NFIB: variants seen among roughly 807,000 people sequenced by gnomAD.
NFIB encodes nuclear factor 1 B-type.
Under a neutral mutation model 61.5 loss-of-function variants are expected in NFIB, and 11 were observed. That is an observed-to-expected ratio of 0.18 (90% CI 0.11 to 0.30). The LOEUF is 0.30. NFIB is among the 10% of genes least tolerant of loss of function. The probability of loss-of-function intolerance (pLI) is 1.00; values close to 1 mark genes in which losing one functional copy is unlikely to be tolerated. For missense variants in NFIB, 471 were observed against 608.9 expected (o/e 0.77, Z 2.38); for synonymous variants, 260 against 216.5 (o/e 1.20, Z -1.76).
In NFIB at chr9:14,131,537, C is replaced by T. The variant is rs1021826100; in HGVS notation, c.926-5771G>A. Among the ~76,000 whole-genome samples, 4 of 152,258 alleles carry T rather than the reference C, an allele frequency of 2.6e-5. No homozygotes were observed. In the South Asian group the frequency reaches 8.3e-4, roughly 32 times the overall value. On this transcript the variant is annotated intron_variant, in intron 6 of 10. Coordinates refer to ENST00000380953, the MANE Select transcript of NFIB (RefSeq NM_001190737.2). ...CGCTGTGAAACACAGCGTATGTACT[C>T]GACTCATCGGCAGCTTGCACAAATT...
chr9:14,472,669 A>G, the NFIB span, among the ~76,000 whole-genome samples: 11 of 151,978 alleles, frequency 7.2e-5, no homozygotes, highest in Non-Finnish European at 1.3e-4. Flanking sequence ...GTGAAACCCC[A>G]TCTCTACTAA....
At chr9:14,273,508 C>CT (rs1491055400) in intron 2 of NFIB, among the ~76,000 whole-genome samples, 2 of 152,044 alleles carry the variant, frequency 1.3e-5, no homozygotes, top group Non-Finnish European at 2.9e-5. Context: ...ATTTCTGTCT[C>CT]TGTTTCCCCA....
chr9:14,154,943 C>A (rs1489569128), intron 4 of NFIB, among the ~76,000 whole-genome samples: 1 of 152,072 alleles, frequency 6.6e-6, no homozygotes, highest in Non-Finnish European at 1.5e-5. Flanking sequence ...TTATTCATGA[C>A]CTCTAAATAT....
intron 2 of NFIB, among the ~76,000 whole-genome samples, chr9:14,195,809 A>G (rs1436621439): frequency 6.6e-6 from 1 of 152,198 alleles, no homozygotes; most frequent in African/African-American, 2.4e-5. Context: ...GAAAAACACA[A>G]TGACATTGCA....
intron 10 of NFIB, among the ~76,000 whole-genome samples, chr9:14,101,997 G>A (rs2035853589): frequency 1.3e-5 from 2 of 151,976 alleles, no homozygotes; most frequent in South Asian, 4.1e-4. Context: ...AAAATGAACA[G>A]TGAAATGGCT....
chr9:14,168,112 G>A (rs1368170415), intron 3 of NFIB, among the ~76,000 whole-genome samples: 1 of 152,122 alleles, frequency 6.6e-6, no homozygotes, highest in Admixed American at 6.5e-5. Context: ...AAGTATCTCC[G>A]CAGAAGTACC....
At chr9:14,204,344 G>C in intron 2 of NFIB, 1 of 799,664 alleles carries the variant, frequency 1.3e-6, no homozygotes, top group Non-Finnish European at 2.1e-6. Flanking sequence ...CCCCCTGTTT[G>C]AGAAAAGGCC....
At chr9:14,145,653 T>C (rs1228853417) in intron 6 of NFIB, among the ~76,000 whole-genome samples, 6 of 145,000 alleles carry the variant, frequency 4.1e-5, no homozygotes, top group African/African-American at 1.5e-4. Flanking sequence ...TTTTAGACTT[T>C]TTTTTTTTTT....
At chr9:14,519,091 G>T in the NFIB span, among the ~76,000 whole-genome samples, 1 of 152,130 alleles carries the variant, frequency 6.6e-6, no homozygotes, top group Non-Finnish European at 1.5e-5. Context: ...TGTGTGTATG[G>T]TGGTGATGGT....
At chr9:14,352,947 T>C (rs1390377073) in intron 1 of NFIB, among the ~76,000 whole-genome samples, 1 of 152,208 alleles carries the variant, frequency 6.6e-6, no homozygotes, top group Non-Finnish European at 1.5e-5. Context: ...TGTCTTAAAG[T>C]AGAAGAGGAT....
At chr9:14,202,998 T>C (rs2049222250) in intron 2 of NFIB, among the ~76,000 whole-genome samples, 1 of 152,222 alleles carries the variant, frequency 6.6e-6, no homozygotes, top group Non-Finnish European at 1.5e-5. Flanking sequence ...CTGTAAGAAC[T>C]GTTACTGGGA....
chr9:14,419,162 G>C, the NFIB span, among the ~76,000 whole-genome samples: 1 of 151,802 alleles, frequency 6.6e-6, no homozygotes, highest in Middle Eastern at 3.4e-3. Context: ...GGGAGCTCTC[G>C]GTGCTTTGAA....
chr9:14,195,195 G>T (rs536296549), intron 2 of NFIB, among the ~76,000 whole-genome samples: 3 of 152,020 alleles, frequency 2.0e-5, no homozygotes, highest in African/African-American at 7.2e-5. Context: ...AAAAACTTTT[G>T]GTAGAACTGA....
intron 6 of NFIB, among the ~76,000 whole-genome samples, chr9:14,145,885 G>C (rs538200349): frequency 6.6e-6 from 1 of 151,606 alleles, no homozygotes; most frequent in Non-Finnish European, 1.5e-5. Flanking sequence ...TTTTAATGCA[G>C]AATTCTATTT....
chr9:14,317,840 A>T (rs1374414819), upstream of NFIB, among the ~76,000 whole-genome samples: 2 of 152,168 alleles, frequency 1.3e-5, no homozygotes, highest in Admixed American at 6.5e-5. Context: ...GAAAATCTCA[A>T]TCTTTTAAAT....
intron 2 of NFIB, among the ~76,000 whole-genome samples, chr9:14,199,811 T>A (rs2048831185): frequency 6.6e-6 from 1 of 152,172 alleles, no homozygotes; most frequent in Non-Finnish European, 1.5e-5. Flanking sequence ...CCTGAAGATA[T>A]CCAAGGAGAC....
chr9:14,099,546 T>C (rs1048735824), intron 10 of NFIB, among the ~76,000 whole-genome samples: 1 of 152,252 alleles, frequency 6.6e-6, no homozygotes, highest in African/African-American at 2.4e-5. Context: ...AAATATGAAC[T>C]CTGTTGTGTC....
At chr9:14,341,968 G>C (rs1228604375) in intron 1 of NFIB, among the ~76,000 whole-genome samples, 2 of 150,944 alleles carry the variant, frequency 1.3e-5, no homozygotes, top group South Asian at 2.1e-4. Flanking sequence ...CAGTCATTTT[G>C]ACAAGGTCAA....
intron 6 of NFIB, 151 bp from the exon 7 acceptor site, chr9:14,125,917 T>C: frequency 1.9e-6 from 2 of 1,047,584 alleles, no homozygotes; most frequent in Non-Finnish European, 2.7e-6. Flanking sequence ...ACGATCCAGC[T>C]GTCTTGGAGC....
Sources: allele counts gnomAD v4.1 joint callset (sites outside exome capture counted in the v4.1 genomes callset), GRCh38; gene constraint gnomAD v4.1.1; transcripts MANE v1.5; gene names NCBI Gene and HGNC (gene_info 2026-07-23, HGNC 2026-07-21).